Variants in ZNRF3 observed in about 807,000 individuals in gnomAD.
ZNRF3 encodes the protein E3 ubiquitin-protein ligase ZNRF3.
A neutral mutation model predicts 72.5 loss-of-function variants in ZNRF3; 23 were observed. That is an observed-to-expected ratio of 0.32 (90% confidence interval 0.23 to 0.45). The LOEUF is 0.45. Among genes scored for constraint, ZNRF3 ranks in the 20% least tolerant of loss-of-function variants. ZNRF3 has a pLI of 1.00. For synonymous variants in ZNRF3, 610 were observed against 545.3 expected (o/e 1.12, Z -1.65); for missense variants, 1,169 against 1,272.1 (o/e 0.92, Z 1.23).
At chr22:29,010,222 T>C (rs1304572413) in intron 2 of ZNRF3, among the ~76,000 whole-genome samples, 1 of 152,020 alleles carries the variant, frequency 6.6e-6, no homozygotes, top group East Asian at 1.9e-4. Context: ...CTTCTTAAAC[T>C]GAAACTCCAT....
intron 1 of ZNRF3, among the ~76,000 whole-genome samples, chr22:28,938,040 A>G (rs2034873863): frequency 6.6e-6 from 1 of 152,166 alleles, no homozygotes. Context: ...TTAACTCCAC[A>G]TTGTTACTGC....
intron 1 of ZNRF3, among the ~76,000 whole-genome samples, chr22:28,932,499 T>C (rs1418679866): frequency 1.3e-5 from 2 of 152,136 alleles, no homozygotes; most frequent in Non-Finnish European, 2.9e-5. Context: ...TCTCAGGCAG[T>C]GTGAGAGTGT....
chr22:28,926,300 A>C (rs910352370), intron 1 of ZNRF3, among the ~76,000 whole-genome samples: 1 of 152,108 alleles, frequency 6.6e-6, no homozygotes, highest in Non-Finnish European at 1.5e-5. Context: ...GGTGGGTTTT[A>C]AATTGATTTG....
chr22:28,967,200 T>C (rs776900226), intron 1 of ZNRF3, among the ~76,000 whole-genome samples: 5 of 152,204 alleles, frequency 3.3e-5, no homozygotes, highest in Non-Finnish European at 7.3e-5. Context: ...TTTTATACCA[T>C]ATTTTTTACT....
At chr22:28,920,615 G>A (rs1044131395) in intron 1 of ZNRF3, among the ~76,000 whole-genome samples, 1 of 152,206 alleles carries the variant, frequency 6.6e-6, no homozygotes, top group East Asian at 1.9e-4. Flanking sequence ...ACATGAGTGC[G>A]TTTTGCCTTG....
rs186280063 is a variant in ZNRF3, at chr22:29,052,744, C to G, written c.2768-835C>G. Among the ~76,000 whole-genome samples, 57 of 151,054 alleles carry G rather than the reference C, an allele frequency of 3.8e-4. 2 individuals are homozygous for G. In the East Asian group the frequency reaches 0.011, roughly 28 times the overall value. ...GGCTGAGTGCTTTGGAAGGCCAAGGCAGGAGGATCACTTGAGGCCAGGAGC... is the reference window on the plus strand; with the variant it reads ...GGCTGAGTGCTTTGGAAGGCCAAGGGAGGAGGATCACTTGAGGCCAGGAGC... On this transcript the variant is annotated intron_variant, in intron 8 of 8. Coordinates refer to ENST00000544604, the MANE Select transcript of ZNRF3 (RefSeq NM_001206998.2).
intron 1 of ZNRF3, among the ~76,000 whole-genome samples, chr22:28,932,885 A>C (rs2034732888): frequency 6.6e-6 from 1 of 152,178 alleles, no homozygotes; most frequent in Non-Finnish European, 1.5e-5. Context: ...TCTTTAATAC[A>C]TGTCTTCTCT....
chr22:28,946,379 T>C (rs748993263), intron 1 of ZNRF3, among the ~76,000 whole-genome samples: 19 of 152,202 alleles, frequency 1.2e-4, no homozygotes, highest in Non-Finnish European at 2.2e-4. Flanking sequence ...AGAGATGGCT[T>C]TGGGGTTTTT....
Position 28,884,030 on chromosome 22 carries a change from CG to C in ZNRF3, c.268del (p.Ala90ProfsTer32), listed in dbSNP as rs1187636456. On this transcript the variant is annotated frameshift_variant, in exon 1 of 9. Coordinates refer to ENST00000544604, the MANE Select transcript of ZNRF3 (RefSeq NM_001206998.2). LOFTEE classifies it high-confidence loss of function. ...TGLTGRFSRA[G>X]ATLSAEGEIV... Reference sequence around the variant, plus strand: ...GCCTCACGGGCCGCTTCTCGCGGGCCGGGGCCACGCTCAGCGCCGAGGGCGA... The same window carrying C: ...GCCTCACGGGCCGCTTCTCGCGGGCCGGGCCACGCTCAGCGCCGAGGGCGA... 1.1e-5 allele frequency: 14 copies of C among 1,258,538 alleles called. No homozygotes were observed. The highest frequency in any genetic ancestry group is 4.1e-5 in the South Asian group (3 of 72,736). The allele number at this position is 1,258,538 out of a possible 1,614,324, so 78.0% of individuals were successfully genotyped here. A position where few individuals can be genotyped will look rare whatever the true frequency, so the allele number is the denominator to read the frequency against.
intron 2 of ZNRF3, among the ~76,000 whole-genome samples, chr22:29,003,371 T>A (rs552394951): frequency 6.6e-6 from 1 of 151,976 alleles, no homozygotes; most frequent in Non-Finnish European, 1.5e-5. Context: ...TACAAAAAAA[T>A]TAGCCAGGCG....
intron 1 of ZNRF3, among the ~76,000 whole-genome samples, chr22:28,906,694 G>A (rs1177585669): frequency 1.3e-5 from 2 of 152,224 alleles, no homozygotes; most frequent in African/African-American, 4.8e-5. Flanking sequence ...AAAGCATCAG[G>A]TAAACCACCT....
chr22:28,895,627 A>G (rs1309124667), intron 1 of ZNRF3, among the ~76,000 whole-genome samples: 1 of 152,136 alleles, frequency 6.6e-6, no homozygotes, highest in Admixed American at 6.5e-5. Context: ...AGATTGCGCC[A>G]CTGCACTCCA....
chr22:28,903,855 A>G (rs2034156098), intron 1 of ZNRF3, among the ~76,000 whole-genome samples: 1 of 152,186 alleles, frequency 6.6e-6, no homozygotes, highest in Non-Finnish European at 1.5e-5. Context: ...CAGAATGTGT[A>G]TAGGGAAAAC....
chr22:29,020,777 G>T (rs2036522480), intron 2 of ZNRF3, among the ~76,000 whole-genome samples: 2 of 100,204 alleles, frequency 2.0e-5, no homozygotes, highest in South Asian at 8.0e-4. Context: ...GTGTGTGTGG[G>T]TGTGTGTGTG....
chr22:28,944,028 A>G (rs751279934), intron 1 of ZNRF3, among the ~76,000 whole-genome samples: 47 of 133,864 alleles, frequency 3.5e-4, no homozygotes, highest in Non-Finnish European at 5.7e-4. Context: ...GCCAAAAAGG[A>G]AAAAAAAAAA....
intron 2 of ZNRF3, among the ~76,000 whole-genome samples, chr22:29,011,437 A>G (rs2036345427): frequency 6.6e-6 from 1 of 152,242 alleles, no homozygotes; most frequent in Admixed American, 6.5e-5. Context: ...GAACTCCAGG[A>G]TGCAGCCTTG....
At chr22:28,897,984 C>A (rs575999650) in intron 1 of ZNRF3, among the ~76,000 whole-genome samples, 28 of 152,206 alleles carry the variant, frequency 1.8e-4, no homozygotes, top group Non-Finnish European at 4.0e-4. Context: ...ACTCTGTCAC[C>A]CAGGTTGGAG....
chr22:28,977,587 G>A (rs1016633730), intron 1 of ZNRF3, among the ~76,000 whole-genome samples: 3 of 152,158 alleles, frequency 2.0e-5, no homozygotes, highest in Admixed American at 1.3e-4. Flanking sequence ...TACCCTGGCC[G>A]ACAGTGGCAA....
intron 1 of ZNRF3, among the ~76,000 whole-genome samples, chr22:28,956,353 CTTT>C (rs61155224): frequency 1.5e-4 from 17 of 110,422 alleles, no homozygotes; most frequent in African/African-American, 3.9e-4. Flanking sequence ...TTTCCATTTC[CTTT>C]TTTTTTTTTT....
Sources: gnomAD v4.1 joint callset for allele counts (sites outside exome capture counted in the v4.1 genomes callset) on GRCh38, gnomAD v4.1.1 for gene constraint, MANE v1.5 for transcripts, NCBI Gene and HGNC (gene_info 2026-07-23, HGNC 2026-07-21) for gene names.